Variants in ALPK2 observed in about 807,000 individuals in gnomAD.
The protein encoded by ALPK2 is alpha-protein kinase 2.
A neutral mutation model predicts 163.1 loss-of-function variants in ALPK2; 127 were observed. That is an observed-to-expected ratio of 0.78 (90% confidence interval 0.67 to 0.90). The LOEUF is 0.90. Ranked by LOEUF, ALPK2 falls within the 40% of genes least tolerant of loss-of-function variation. The pLI, the probability that ALPK2 is intolerant of heterozygous loss-of-function variation, is 0.00. For missense variants in ALPK2, 2,360 were observed against 2,589.6 expected (o/e 0.91, Z 1.92); for synonymous variants, 953 against 959.1 (o/e 0.99, Z 0.12).
intron 12 of ALPK2, among the ~76,000 whole-genome samples, chr18:58,492,877 G>A (rs922846101): frequency 1.3e-5 from 2 of 152,200 alleles, no homozygotes; most frequent in African/African-American, 2.4e-5. Flanking sequence ...GTCCTGGCTG[G>A]CTCTGTTGGG....
chr18:58,577,164 C>T (rs902357231), intron 4 of ALPK2, among the ~76,000 whole-genome samples: 3 of 152,172 alleles, frequency 2.0e-5, no homozygotes, highest in Non-Finnish European at 4.4e-5. Context: ...AACAAGTGAG[C>T]CAGGGCTCTC....
chr18:58,569,045 CT>C (rs2051871543), intron 4 of ALPK2, among the ~76,000 whole-genome samples: 1 of 152,178 alleles, frequency 6.6e-6, no homozygotes, highest in African/African-American at 2.4e-5. Flanking sequence ...AAAACCCCAT[CT>C]CTACTAAAAA....
chr18:58,595,373 G>A (rs2144214406), intron 3 of ALPK2, among the ~76,000 whole-genome samples: 1 of 152,296 alleles, frequency 6.6e-6, no homozygotes, highest in African/African-American at 2.4e-5. Context: ...CATATAGTAG[G>A]CCCTCCATGA....
intron 12 of ALPK2, among the ~76,000 whole-genome samples, chr18:58,490,760 G>A (rs990422686): frequency 2.0e-5 from 3 of 152,176 alleles, no homozygotes; most frequent in African/African-American, 7.2e-5. Flanking sequence ...CTGTACATTT[G>A]CACAGTTTCT....
intron 3 of ALPK2, among the ~76,000 whole-genome samples, chr18:58,585,995 T>C (rs1297754427): frequency 6.6e-6 from 1 of 152,190 alleles, no homozygotes; most frequent in Non-Finnish European, 1.5e-5. Context: ...TATATTGCAT[T>C]TTAAGTGCAT....
At chr18:58,520,372 T>G (rs942204262) in intron 8 of ALPK2, among the ~76,000 whole-genome samples, 6 of 131,792 alleles carry the variant, frequency 4.6e-5, no homozygotes, top group Non-Finnish European at 6.2e-5. Flanking sequence ...GAGGTTGCAG[T>G]GAGCCGAGAT....
chr18:58,519,214 G>A (rs2051537028), intron 8 of ALPK2, among the ~76,000 whole-genome samples: 1 of 152,168 alleles, frequency 6.6e-6, no homozygotes, highest in Non-Finnish European at 1.5e-5. Flanking sequence ...ATGGAGAAAA[G>A]CACAGTTTTA....
At chr18:58,590,105 C>T (rs957023936) in intron 3 of ALPK2, among the ~76,000 whole-genome samples, 2 of 151,922 alleles carry the variant, frequency 1.3e-5, no homozygotes, top group Non-Finnish European at 2.9e-5. Flanking sequence ...CCTGTAATCC[C>T]AGCTACTTGG....
intron 4 of ALPK2, among the ~76,000 whole-genome samples, chr18:58,549,377 C>T (rs979375664): frequency 6.6e-6 from 1 of 152,142 alleles, no homozygotes; most frequent in Non-Finnish European, 1.5e-5. Context: ...AATTCAGGGG[C>T]CCCTTTGGAT....
rs36032036 is a variant in ALPK2, at chr18:58,614,981, A to ATTTT, written c.-20-3168_-20-3165dup. On this transcript the variant is annotated intron_variant, in intron 1 of 12. Transcript: ENST00000361673. ...GTCTGTATGTATTTGTCTATTATGGATTTTTTTTTTTTTTGTAGGGACAGG... is the reference window on the plus strand; with the variant it reads ...GTCTGTATGTATTTGTCTATTATGGATTTTTTTTTTTTTTTTTTGTAGGGACAGG... 1.0e-3 allele frequency among the ~76,000 whole-genome samples: 140 copies of ATTTT among 140,308 alleles called. 1 individual carries two copies. The highest frequency in any genetic ancestry group is 3.5e-3 in the African/African-American group (133 of 38,036). The allele number at this position is 140,308 out of a possible 152,430, so 92.0% of individuals were successfully genotyped here.
chr18:58,538,782 A>T (rs1053504322), intron 4 of ALPK2, among the ~76,000 whole-genome samples: 3 of 152,170 alleles, frequency 2.0e-5, no homozygotes, highest in African/African-American at 7.2e-5. Flanking sequence ...TGTTTGGGTT[A>T]TGGGGGTGGA....
At chr18:58,489,390 A>C (rs1032790081) in intron 12 of ALPK2, among the ~76,000 whole-genome samples, 2 of 152,178 alleles carry the variant, frequency 1.3e-5, no homozygotes, top group African/African-American at 4.8e-5. Flanking sequence ...GCTATCTGAT[A>C]TCTCTCCTAG....
intron 4 of ALPK2, among the ~76,000 whole-genome samples, chr18:58,564,015 A>G (rs1400695445): frequency 6.6e-6 from 1 of 152,186 alleles, no homozygotes; most frequent in African/African-American, 2.4e-5. Flanking sequence ...CATCACATTA[A>G]GAACAATCTC....
At chr18:58,520,763 G>T (rs974163360) in intron 8 of ALPK2, among the ~76,000 whole-genome samples, 1 of 152,176 alleles carries the variant, frequency 6.6e-6, no homozygotes, top group Admixed American at 6.5e-5. Flanking sequence ...AGACCATCTT[G>T]TAAAAGATTA....
Position 58,579,659 on chromosome 18 carries a change from C to T in ALPK2, c.1117G>A (p.Gly373Arg), listed in dbSNP as rs758459487. 1.8e-5 allele frequency: 29 copies of T among 1,614,026 alleles called. No individual in the cohort carries two copies. The highest frequency in any genetic ancestry group is 2.3e-5 in the Non-Finnish European group (27 of 1,180,046). ...ATTCCACTGAGGAAATGCTCACACC[C>T]ACCCAGGCAATGCTCACCGAATTCC... ...EMEFGEHCLG[G>R]CEHFLSGMGC... is the part of the protein sequence containing the mutation. Residue 373 changes from glycine to arginine, a missense_variant, in exon 4 of 13, where the codon GGG (glycine) becomes AGG (arginine). Coordinates refer to ENST00000361673, the MANE Select transcript of ALPK2 (RefSeq NM_052947.4).
intron 4 of ALPK2, 62 bp from the exon 5 acceptor site, chr18:58,538,286 A>G (rs569159949): frequency 7.1e-7 from 1 of 1,406,680 alleles, no homozygotes; most frequent in East Asian, 2.3e-5. Flanking sequence ...ATAGGGCATA[A>G]CTGCAATCCC....
intron 8 of ALPK2, among the ~76,000 whole-genome samples, chr18:58,520,617 ACTG>A (rs2051545415): frequency 6.6e-6 from 1 of 152,088 alleles, no homozygotes; most frequent in Non-Finnish European, 1.5e-5. Context: ...GGTTACAAAG[ACTG>A]CTCCGAGGTG....
chr18:58,578,286 A>T (rs1181754357), intron 4 of ALPK2: 1 of 152,324 alleles, frequency 6.6e-6, no homozygotes, highest in African/African-American at 2.4e-5. Flanking sequence ...ATCACAAAAA[A>T]AGTGAAGTCT....
chr18:58,536,367 C>T lies in ALPK2; in HGVS notation c.3820G>A (p.Ala1274Thr). The change falls in exon 5 of 13, where the codon GCT becomes ACT. Residue 1274 changes from alanine (A) to threonine (T), a missense_variant. By Grantham distance (58) the Ala-to-Thr change is moderately conservative. Transcript: ENST00000361673. ...GGLIIPDKVW[A>T]VPDSLKADAV... ...TCTGCCTTTAGACTATCAGGTACAG[C>T]CCAGACCTTGTCAGGAATTATGAGA... 1.2e-6 allele frequency: 2 copies of T among 1,614,182 alleles called. No individual in the cohort carries two copies. The highest frequency in any genetic ancestry group is 1.7e-6 in the Non-Finnish European group (2 of 1,180,024).
Sources: gnomAD v4.1 joint callset for allele counts (sites outside exome capture counted in the v4.1 genomes callset) on GRCh38, gnomAD v4.1.1 for gene constraint, MANE v1.5 for transcripts, NCBI Gene and HGNC (gene_info 2026-07-23, HGNC 2026-07-21) for gene names.